Variants in RAB37 observed in about 807,000 individuals in gnomAD.
The protein encoded by RAB37 is RAB37, member RAS oncogene family.
RAB37 carries 29 observed loss-of-function variants against 33.1 expected under a neutral mutation model. The observed-to-expected ratio is 0.88, with a 90% CI of 0.65 to 1.20. The LOEUF (loss-of-function observed/expected upper bound fraction) is 1.20, where lower values mean the gene tolerates loss of function less well. RAB37 is among the 50% of genes most tolerant of loss of function. The pLI, the probability that RAB37 is intolerant of heterozygous loss-of-function variation, is 0.00. For missense variants in RAB37, 299 were observed against 301.1 expected, an observed-to-expected ratio of 0.99 and a Z score of 0.05; for synonymous variants, 128 against 119.5, an observed-to-expected ratio of 1.07 and a Z score of -0.47.
At chr17:74,675,728 A>G (rs1222730209) in intron 1 of RAB37, among the ~76,000 whole-genome samples, 1 of 152,190 alleles carries the variant, frequency 6.6e-6, no homozygotes, top group East Asian at 1.9e-4. Context: ...ACTTGATGAA[A>G]TTCATTTATA....
At chr17:74,688,317 A>C (rs1197338499) in intron 1 of RAB37, among the ~76,000 whole-genome samples, 1 of 152,210 alleles carries the variant, frequency 6.6e-6, no homozygotes, top group Non-Finnish European at 1.5e-5. Flanking sequence ...TGGGAGGCCA[A>C]GGCAGGGGGA....
At chr17:74,743,593 C>T (rs1567816489) in intron 5 of RAB37, among the ~76,000 whole-genome samples, 1 of 152,154 alleles carries the variant, frequency 6.6e-6, no homozygotes, top group Admixed American at 6.6e-5. Context: ...GAGTGTGTTT[C>T]GTGACAAAGT....
In RAB37 at chr17:74,693,355, G is replaced by A. The variant is rs532877018; in HGVS notation, c.72+21697G>A. On this transcript the variant is annotated intron_variant, in intron 1 of 7. Coordinates refer to the RAB37 transcript ENST00000340415. ...AGGGTGGATGGAGTTGGGGGTGAAG[G>A]GGCAGCCAGCAGCCCATGGATCCCC... Among the ~76,000 whole-genome samples the A allele has an allele frequency of 1.1e-4, 16 of 152,320 alleles. No individual in the cohort carries two copies. In the South Asian group the frequency reaches 3.3e-3, roughly 32 times the overall value.
intron 1 of RAB37, among the ~76,000 whole-genome samples, chr17:74,673,758 T>A (rs2031758708): frequency 6.6e-6 from 1 of 152,170 alleles, no homozygotes; most frequent in Non-Finnish European, 1.5e-5. Context: ...AAAGGCTCAA[T>A]GTCATCAGCT....
chr17:74,673,267 G>A (rs2031746208), intron 1 of RAB37, among the ~76,000 whole-genome samples: 2 of 151,824 alleles, frequency 1.3e-5, no homozygotes, highest in African/African-American at 4.8e-5. Flanking sequence ...GCTGGGCATG[G>A]TGGTGTGCGC....
In RAB37 at chr17:74,737,403, G is replaced by A. The variant is rs779793450; in HGVS notation, c.93+38G>A. ...CTTCCGTGAGACCCCCGCCCTCCTC[G>A]GCGCTAGCCCCTTCCTGGCTGCGTC... is the stretch of plus-strand genomic sequence containing the variant. On this transcript the variant is annotated intron_variant, in intron 1 of 8. Transcript: ENST00000392613. 3.3e-6 allele frequency: 5 copies of A among 1,523,280 alleles called. No homozygotes were observed. In the East Asian group the frequency reaches 1.2e-4, roughly 37 times the overall value. The allele number at this position is 1,523,280 out of a possible 1,614,324, so 94.4% of individuals were successfully genotyped here. A position where few individuals can be genotyped will look rare whatever the true frequency, so the allele number is the denominator to read the frequency against.
rs1257180177 is a variant in RAB37, at chr17:74,729,770, CT to C, written c.183+405del. ...CTCTCCTCCTGCTCCCCATCTCCTT[CT>C]GGGGCTCCACATTGGATGAACGCAA... On this transcript the variant is annotated intron_variant, in intron 2 of 7. Coordinates refer to the RAB37 transcript ENST00000340415. The surrounding 1 kb of genome is among the most constrained non-coding windows in gnomAD (Gnocchi z 4.2). Among the ~76,000 whole-genome samples the C allele has an allele frequency of 6.6e-6, 1 of 152,170 alleles. No individual in the cohort carries two copies. Among genetic ancestry groups the C allele is most frequent in the Non-Finnish European group, 1.5e-5 (1 of 68,040 alleles).
intron 1 of RAB37, among the ~76,000 whole-genome samples, chr17:74,720,866 C>A (rs189517040): frequency 2.0e-5 from 3 of 151,968 alleles, no homozygotes; most frequent in Non-Finnish European, 2.9e-5. Context: ...TTTTATTAAG[C>A]GGTGGAAGTG....
intron 1 of RAB37, among the ~76,000 whole-genome samples, chr17:74,714,184 C>T (rs1598299209): frequency 1.3e-5 from 2 of 152,080 alleles, no homozygotes; most frequent in East Asian, 1.9e-4. Context: ...GAACTCCAAC[C>T]TAGGCAACAG....
At chr17:74,691,942 T>G (rs2032164676) in intron 1 of RAB37, among the ~76,000 whole-genome samples, 1 of 151,376 alleles carries the variant, frequency 6.6e-6, no homozygotes. Flanking sequence ...CTCAGCTCAC[T>G]GCAAGCTCCG....
At position 74,740,711 on chromosome 17, in the gene RAB37, G is replaced by A. The variant is rs773066065; in HGVS notation, c.94-57G>A. On this transcript the variant is annotated intron_variant, in intron 1 of 8. Coordinates refer to ENST00000392613, the MANE Select transcript of RAB37 (RefSeq NM_001006638.3). Reference sequence around the variant, plus strand: ...GATCCTCTCCATGTGTCTCTCTCCTGGAATCCCAGAAGCTGCCCCTGACTC... The same window carrying A: ...GATCCTCTCCATGTGTCTCTCTCCTAGAATCCCAGAAGCTGCCCCTGACTC... 8.7e-4 allele frequency: 1,053 copies of A among 1,208,340 alleles called. 3 individuals carry two copies. Among genetic ancestry groups the A allele is most frequent in the Non-Finnish European group, 1.1e-3 (890 of 814,784 alleles). The allele number at this position is 1,208,340 out of a possible 1,614,324, so 74.9% of individuals were successfully genotyped here.
chr17:74,698,650 T>C (rs2032751552), intron 1 of RAB37: 10 of 1,457,414 alleles, frequency 6.9e-6, no homozygotes, highest in Non-Finnish European at 9.1e-6. Flanking sequence ...GGGTTTACAA[T>C]GAGTACACAT....
chr17:74,703,713 G>A (rs1192981487), intron 1 of RAB37, among the ~76,000 whole-genome samples: 1 of 152,196 alleles, frequency 6.6e-6, no homozygotes, highest in Non-Finnish European at 1.5e-5. Flanking sequence ...GAGGCTCCGG[G>A]TGCAACCTGG....
In RAB37 at chr17:74,729,230, G is replaced by GCT. The variant is rs759449094; in HGVS notation, c.73-17_73-16dup. ...GGCCAACTCACATCACAGGCCCTCA[G>GCT]CTCTCTCTCTATTGTTCCCTTCCAG... On this transcript the variant is annotated intron_variant, in intron 1 of 7. Transcript: ENST00000340415. This position sits in a 1 kb window ranked among gnomAD's most constrained non-coding sequence, Gnocchi z 4.2. 6 of 1,565,736 alleles carry GCT rather than the reference G, an allele frequency of 3.8e-6. No homozygotes were observed. The South Asian group carries it at 6.7e-5, about 17-fold the overall frequency.
At chr17:74,691,643 G>C (rs2032158656) in intron 1 of RAB37, among the ~76,000 whole-genome samples, 1 of 152,160 alleles carries the variant, frequency 6.6e-6, no homozygotes, top group South Asian at 2.1e-4. Context: ...AGTCTTCCCT[G>C]TGCGTCTAGC....
chr17:74,675,750 C>T (rs62084864), intron 1 of RAB37, among the ~76,000 whole-genome samples: 8,655 of 152,220 alleles, frequency 0.057, 265 homozygotes, highest in Middle Eastern at 0.079. Flanking sequence ...GAAAAACATA[C>T]GCCAAATATC....
upstream of RAB37, chr17:74,737,046 G>T (rs2034489332): frequency 1.9e-6 from 3 of 1,609,102 alleles, no homozygotes; most frequent in South Asian, 1.1e-5. Context: ...AGCCGAGCCG[G>T]TGTTGCTCAG....
chr17:74,746,971 C>G lies in RAB37; in HGVS notation c.*1560C>G, dbSNP rs2034774344. Reference sequence around the variant, plus strand: ...ATGTGTCCTCCTTGGTCACATATCTCCCAAAGCTCCGATCCCTGCCATGGG... The same window carrying G: ...ATGTGTCCTCCTTGGTCACATATCTGCCAAAGCTCCGATCCCTGCCATGGG... On this transcript the variant is annotated 3_prime_UTR_variant, in exon 9 of 9. Transcript: ENST00000392613. The surrounding 1 kb of genome is among the most constrained non-coding windows in gnomAD (Gnocchi z 5.2). 1 of 152,210 alleles carries G rather than the reference C, an allele frequency of 6.6e-6. No homozygotes were observed. The highest frequency in any genetic ancestry group is 6.5e-5 in the Admixed American group (1 of 15,288). 9.4% of individuals were successfully genotyped at this position (152,210 alleles called of 1,614,324 possible).
At chr17:74,684,858 TAGATA>T (rs1329545273) in intron 1 of RAB37, among the ~76,000 whole-genome samples, 1 of 70,882 alleles carries the variant, frequency 1.4e-5, no homozygotes, top group Non-Finnish European at 3.9e-5. Flanking sequence ...ATGTGTGAGA[TAGATA>T]GATAGATAGA....
Sources: allele counts gnomAD v4.1 joint callset (sites outside exome capture counted in the v4.1 genomes callset), GRCh38; gene constraint gnomAD v4.1.1; non-coding constraint Gnocchi (gnomAD v3.1); transcripts MANE v1.5; gene names NCBI Gene and HGNC (gene_info 2026-07-23, HGNC 2026-07-21).